Variants in TENM2 observed in about 807,000 individuals in gnomAD.
The protein encoded by TENM2 is teneurin transmembrane protein 2.
A neutral mutation model predicts 245.2 loss-of-function variants in TENM2; 52 were observed. That is an observed-to-expected ratio of 0.21 (90% CI 0.17 to 0.27). The LOEUF is 0.27. Ranked by LOEUF, TENM2 falls within the 10% of genes least tolerant of loss-of-function variation. The pLI, the probability that TENM2 is intolerant of heterozygous loss-of-function variation, is 1.00. For synonymous variants in TENM2, 1,363 were observed against 1,438.9 expected, an observed-to-expected ratio of 0.95 and a Z score of 1.19; for missense variants, 3,046 against 3,666.8, an observed-to-expected ratio of 0.83 and a Z score of 4.37.
chr5:167,332,325 GT>G (rs1290916875), intron 1 of TENM2, among the ~76,000 whole-genome samples: 15 of 152,048 alleles, frequency 9.9e-5, no homozygotes, highest in African/African-American at 3.1e-4. Flanking sequence ...GCCTTTTTAT[GT>G]TTTTGTTCTA....
chr5:167,239,849 C>A, the TENM2 span, among the ~76,000 whole-genome samples: 1 of 152,072 alleles, frequency 6.6e-6, no homozygotes, highest in Non-Finnish European at 1.5e-5. Context: ...CTCAGCTAAC[C>A]GCAACCTCTG....
intron 2 of TENM2, among the ~76,000 whole-genome samples, chr5:167,848,331 A>C (rs1770241987): frequency 6.6e-6 from 1 of 152,206 alleles, no homozygotes; most frequent in Admixed American, 6.5e-5. Context: ...GAATGAATGA[A>C]ATAAGAGGGC....
the TENM2 span, among the ~76,000 whole-genome samples, chr5:167,216,816 A>T: frequency 6.6e-6 from 1 of 152,072 alleles, no homozygotes; most frequent in Admixed American, 6.5e-5. Context: ...AGTCCCAGCT[A>T]CTTGAGAGGC....
chr5:167,022,660 T>G, the TENM2 span, among the ~76,000 whole-genome samples: 1 of 152,174 alleles, frequency 6.6e-6, no homozygotes, highest in African/African-American at 2.4e-5. Flanking sequence ...TTTGAAAAAT[T>G]TGGCGATCTG....
At chr5:166,989,247 C>G in the TENM2 span, among the ~76,000 whole-genome samples, 1 of 127,686 alleles carries the variant, frequency 7.8e-6, no homozygotes, top group African/African-American at 3.2e-5. Context: ...CCACACCAAG[C>G]TAATCTTTTT....
At chr5:168,223,260 G>GT (rs1192939158) in intron 23 of TENM2, among the ~76,000 whole-genome samples, 1 of 152,166 alleles carries the variant, frequency 6.6e-6, no homozygotes, top group Non-Finnish European at 1.5e-5. Flanking sequence ...CCTATGCATT[G>GT]TAAGTGTCCC....
At chr5:167,102,310 A>C in the TENM2 span, among the ~76,000 whole-genome samples, 7 of 152,198 alleles carry the variant, frequency 4.6e-5, no homozygotes, top group African/African-American at 1.7e-4. Context: ...GAGGGTCAAC[A>C]AGAGATGCTA....
intron 2 of TENM2, among the ~76,000 whole-genome samples, chr5:167,610,700 G>T (rs1324429419): frequency 6.6e-6 from 1 of 152,142 alleles, no homozygotes; most frequent in Non-Finnish European, 1.5e-5. Flanking sequence ...TTAAATGTTT[G>T]ATTCCTTTCT....
intron 6 of TENM2, among the ~76,000 whole-genome samples, chr5:168,048,665 AAAG>A (rs1426926999): frequency 6.6e-6 from 1 of 152,188 alleles, no homozygotes; most frequent in Non-Finnish European, 1.5e-5. Flanking sequence ...CATTTTCCAC[AAAG>A]AAGATTCCAG....
At chr5:167,648,210 G>T (rs773544404) in intron 2 of TENM2, among the ~76,000 whole-genome samples, 13 of 152,304 alleles carry the variant, frequency 8.5e-5, no homozygotes, top group Admixed American at 2.0e-4. Flanking sequence ...TCAGGCTTAT[G>T]CCCAGCACCT....
At chr5:167,695,809 C>T (rs571250394) in intron 2 of TENM2, among the ~76,000 whole-genome samples, 10 of 150,836 alleles carry the variant, frequency 6.6e-5, no homozygotes, top group East Asian at 5.9e-4. Context: ...CCGAGGTGGG[C>T]GGATCACGAG....
chr5:167,974,706 A>G (rs1338543937), intron 4 of TENM2, among the ~76,000 whole-genome samples: 1 of 152,204 alleles, frequency 6.6e-6, no homozygotes, highest in African/African-American at 2.4e-5. Flanking sequence ...TGCACAGGTT[A>G]AAGGTGAGGC....
At chr5:167,479,496 C>T (rs923213855) in intron 2 of TENM2, among the ~76,000 whole-genome samples, 1 of 152,068 alleles carries the variant, frequency 6.6e-6, no homozygotes, top group Non-Finnish European at 1.5e-5. Context: ...TTTTTAGAAA[C>T]ACTGTCAAGT....
intron 2 of TENM2, among the ~76,000 whole-genome samples, chr5:167,380,095 GAC>G (rs1350231461): frequency 2.6e-5 from 4 of 152,020 alleles, no homozygotes; most frequent in Non-Finnish European, 4.4e-5. Context: ...GAAGGACACA[GAC>G]ACAAAATATC....
At chr5:167,058,184 G>C in the TENM2 span, among the ~76,000 whole-genome samples, 2 of 152,046 alleles carry the variant, frequency 1.3e-5, no homozygotes, top group African/African-American at 2.4e-5. Context: ...TGACTTCAAG[G>C]CTCTCTACAT....
chr5:167,540,796 C>T (rs1772156562), intron 2 of TENM2, among the ~76,000 whole-genome samples: 1 of 152,146 alleles, frequency 6.6e-6, no homozygotes, highest in Non-Finnish European at 1.5e-5. Flanking sequence ...AATTATGAAT[C>T]TCTTCATAGA....
the TENM2 span, among the ~76,000 whole-genome samples, chr5:167,022,689 G>C: frequency 6.6e-6 from 1 of 152,090 alleles, no homozygotes; most frequent in African/African-American, 2.4e-5. Flanking sequence ...ACGCCTAAGT[G>C]ACAACAATAA....
chr5:167,494,031 A>G (rs2127546572), intron 2 of TENM2, among the ~76,000 whole-genome samples: 1 of 152,268 alleles, frequency 6.6e-6, no homozygotes, highest in Non-Finnish European at 1.5e-5. Flanking sequence ...GGTAGCCCTC[A>G]TGGGGAAAAA....
intron 1 of TENM2, among the ~76,000 whole-genome samples, chr5:167,327,248 TC>T (rs1316570303): frequency 6.6e-6 from 1 of 152,196 alleles, no homozygotes; most frequent in Non-Finnish European, 1.5e-5. Flanking sequence ...ATTGTTCAGT[TC>T]CCACCTATGA....
Sources: gnomAD v4.1 joint callset for allele counts (sites outside exome capture counted in the v4.1 genomes callset) on GRCh38, gnomAD v4.1.1 for gene constraint, MANE v1.5 for transcripts, NCBI Gene and HGNC (gene_info 2026-07-23, HGNC 2026-07-21) for gene names.